The following ANO3 variants were observed in gnomAD, a reference collection of about 807,000 sequenced individuals.
ANO3 encodes anoctamin 3, also known as anoctamin-3.
Under a neutral mutation model 144.8 loss-of-function variants are expected in ANO3, and 99 were observed. The ratio of observed to expected loss-of-function variants is 0.68; its 90% CI spans 0.58 to 0.81. The LOEUF (loss-of-function observed/expected upper bound fraction) is 0.81, where lower values mean the gene tolerates loss of function less well. Ranked by LOEUF, ANO3 falls within the 30% of genes least tolerant of loss-of-function variation. The probability of loss-of-function intolerance (pLI) is 0.00; values close to 1 mark genes in which losing one functional copy is unlikely to be tolerated. For synonymous variants in ANO3, 414 were observed against 392.6 expected (o/e 1.05, Z -0.64); for missense variants, 905 against 1,202.2 (o/e 0.75, Z 3.66).
rs565807965 is a variant in ANO3 at position 26,456,795 on chromosome 11, A to G, written c.314-6235A>G. Among the ~76,000 whole-genome samples the G allele has an allele frequency of 9.9e-3, 1,312 of 132,816 alleles. 23 individuals carry two copies. Among genetic ancestry groups the G allele is most frequent in the Non-Finnish European group, 0.012 (786 of 63,942 alleles). 87.1% of individuals were successfully genotyped at this position (132,816 alleles called of 152,430 possible). A position where few individuals can be genotyped will look rare whatever the true frequency, so the allele number is the denominator to read the frequency against. On this transcript the variant is annotated intron_variant, in intron 3 of 26. Coordinates refer to ENST00000256737, the MANE Select transcript of ANO3 (RefSeq NM_031418.4). ...GCACACGTATGTTTATTGCGGCACT[A>G]TTCACAATAGCAAAGACTTGGAACC...
chr11:26,596,731 A>G (rs897645527), intron 14 of ANO3, among the ~76,000 whole-genome samples: 2 of 152,174 alleles, frequency 1.3e-5, no homozygotes, highest in Admixed American at 1.3e-4. Flanking sequence ...CTACACTTTC[A>G]AGAAAGTCAT....
At chr11:26,604,430 T>G (rs2132945272) in intron 17 of ANO3, among the ~76,000 whole-genome samples, 1 of 152,260 alleles carries the variant, frequency 6.6e-6, no homozygotes, top group East Asian at 1.9e-4. Flanking sequence ...TTAAAGTAGT[T>G]TTTTTCTAAT....
At chr11:26,441,118 T>TTGTTTG (rs1554954652) in intron 1 of ANO3, among the ~76,000 whole-genome samples, 9 of 120,756 alleles carry the variant, frequency 7.5e-5, no homozygotes, top group African/African-American at 2.7e-4. Context: ...TTTTTTTTTT[T>TTGTTTG]TTTTTTTTTT....
At chr11:26,548,225 T>C (rs2134219212) in intron 12 of ANO3, among the ~76,000 whole-genome samples, 1 of 152,088 alleles carries the variant, frequency 6.6e-6, no homozygotes, top group South Asian at 2.1e-4. Flanking sequence ...AAGTCAAACA[T>C]ATATCAAAAT....
At chr11:26,360,980 C>T (rs977026228) in intron 1 of ANO3, among the ~76,000 whole-genome samples, 23 of 152,108 alleles carry the variant, frequency 1.5e-4, no homozygotes, top group Non-Finnish European at 2.9e-5. Context: ...CAGAGAAGTT[C>T]GTGCATTAGG....
rs73439662 is a variant in ANO3 at position 26,270,543 on chromosome 11, T to G, written c.155-39102T>G. On this transcript the variant is annotated intron_variant, in intron 1 of 27. Coordinates refer to the ANO3 transcript ENST00000672621. The stretch of plus-strand genomic sequence containing the variant: ...TTCCTCATTCTTCAGTGCTTATGTT[T>G]AGGAGGTATTTTCTTAACATTCTCA... Among the ~76,000 whole-genome samples the G allele has an allele frequency of 3.4e-3, 522 of 152,350 alleles. 3 individuals carry two copies. The highest frequency in any genetic ancestry group is 0.012 in the African/African-American group (492 of 41,580).
rs561990074 is a variant in ANO3, at chr11:26,222,701, CA to C, written c.154+33372del. Among the ~76,000 whole-genome samples the C allele has an allele frequency of 9.2e-5, 14 of 152,342 alleles. No individual in the cohort carries two copies. The South Asian group carries it at 2.9e-3, about 32-fold the overall frequency. ...TTCTGCACACCTACAGGCTTAATGC[CA>C]CATTGAAGCTACCAAGGCTTATGGC... On this transcript the variant is annotated intron_variant, in intron 1 of 27. Coordinates refer to the ANO3 transcript ENST00000672621.
intron 1 of ANO3, among the ~76,000 whole-genome samples, chr11:26,203,875 C>T (rs1276459425): frequency 6.6e-6 from 1 of 152,054 alleles, no homozygotes; most frequent in Non-Finnish European, 1.5e-5. Flanking sequence ...AACAGCAGAA[C>T]AACAGCAATG....
intron 14 of ANO3, among the ~76,000 whole-genome samples, chr11:26,596,840 G>T (rs867593744): frequency 7.5e-4 from 115 of 152,322 alleles, no homozygotes; most frequent in African/African-American, 2.6e-3. Flanking sequence ...ATCTCCACCG[G>T]CCAATGCCAG....
chr11:26,416,007 T>C lies in ANO3; in HGVS notation c.47-25911T>C, dbSNP rs1857575102. ...TCTTATTGTTTTCAGTTTGATATAA[T>C]GATTATACTTTTATGCATTGATTTT... On this transcript the variant is annotated intron_variant, in intron 1 of 26. Coordinates refer to ENST00000256737, the MANE Select transcript of ANO3 (RefSeq NM_031418.4). Among the ~76,000 whole-genome samples the C allele has an allele frequency of 1.3e-5, 2 of 152,150 alleles. 1 individual carries two copies. Among genetic ancestry groups the C allele is most frequent in the East Asian group, 3.9e-4 (2 of 5,176 alleles).
chr11:26,631,501 C>T (rs530144199), intron 18 of ANO3, among the ~76,000 whole-genome samples: 3 of 152,054 alleles, frequency 2.0e-5, no homozygotes, highest in Non-Finnish European at 4.4e-5. Context: ...TATCTCCAGA[C>T]CTACCTATCT....
At chr11:26,316,940 A>G (rs952264762) in intron 1 of ANO3, among the ~76,000 whole-genome samples, 15 of 152,162 alleles carry the variant, frequency 9.9e-5, no homozygotes, top group African/African-American at 3.6e-4. Flanking sequence ...AATAATCAGG[A>G]GCATTTCATC....
chr11:26,544,809 A>G (rs1387047436), intron 11 of ANO3, among the ~76,000 whole-genome samples: 2 of 151,996 alleles, frequency 1.3e-5, no homozygotes, highest in African/African-American at 4.8e-5. Context: ...CTTTATTTTC[A>G]GTAAATAGGT....
chr11:26,528,394 G>A (rs1849220192), intron 7 of ANO3, among the ~76,000 whole-genome samples: 3 of 152,110 alleles, frequency 2.0e-5, no homozygotes, highest in African/African-American at 7.2e-5. Flanking sequence ...CACAGGAAGT[G>A]TATGTGAAAA....
chr11:26,639,335 A>C, intron 21 of ANO3, 94 bp downstream of exon 21: 1 of 845,958 alleles, frequency 1.2e-6, no homozygotes, highest in Non-Finnish European at 2.0e-6. Context: ...GGTCTTGGTA[A>C]TCAGACAAAT....
chr11:26,293,363 CTGTCATTTAG>C (rs985657719), intron 1 of ANO3, among the ~76,000 whole-genome samples: 2 of 151,304 alleles, frequency 1.3e-5, no homozygotes, highest in Admixed American at 6.6e-5. Flanking sequence ...TTCTCTCACA[CTGTCATTTAG>C]TGTCATTTAG....
chr11:26,221,837 C>T (rs1380716000), intron 1 of ANO3, among the ~76,000 whole-genome samples: 2 of 152,152 alleles, frequency 1.3e-5, no homozygotes, highest in East Asian at 1.9e-4. Context: ...CACTCATTCA[C>T]TCATTGTTAA....
At chr11:26,619,071 CAG>C (rs1310828723) in intron 17 of ANO3, among the ~76,000 whole-genome samples, 1 of 152,174 alleles carries the variant, frequency 6.6e-6, no homozygotes, top group African/African-American at 2.4e-5. Flanking sequence ...TCCTTATGAA[CAG>C]GGGCTGTAGC....
chr11:26,470,663 A>C (rs1002914806), intron 4 of ANO3, among the ~76,000 whole-genome samples: 2 of 152,018 alleles, frequency 1.3e-5, no homozygotes, highest in African/African-American at 4.8e-5. Flanking sequence ...CTGTAAAAAA[A>C]TGTGCAGTAT....
Sources: gnomAD v4.1 joint callset for allele counts (sites outside exome capture counted in the v4.1 genomes callset) on GRCh38, gnomAD v4.1.1 for gene constraint, MANE v1.5 for transcripts, NCBI Gene and HGNC (gene_info 2026-07-23, HGNC 2026-07-21) for gene names.